Variants in PPAT observed in about 807,000 individuals in gnomAD.
PPAT encodes the protein amidophosphoribosyltransferase.
A neutral mutation model predicts 60.2 loss-of-function variants in PPAT; 20 were observed. The ratio of observed to expected loss-of-function variants is 0.33; its 90% CI spans 0.23 to 0.48. PPAT has a LOEUF of 0.48. Among genes scored for constraint, PPAT ranks in the 20% least tolerant of loss-of-function variants. The pLI is 0.99. For missense variants in PPAT, 349 were observed against 629.6 expected, an observed-to-expected ratio of 0.55 and a Z score of 4.77; for synonymous variants, 194 against 215.1, an observed-to-expected ratio of 0.90 and a Z score of 0.86.
chr4:56,406,525 T>C lies in PPAT; in HGVS notation c.372A>G (p.Glu124=). 1 of 1,612,592 alleles carries C rather than the reference T, an allele frequency of 6.2e-7. No individual in the cohort carries two copies. Among genetic ancestry groups the C allele is most frequent in the Admixed American group, 1.7e-5 (1 of 60,034 alleles). ...HGKIAVAHNG[E]LVNAARLRKK... ...TCCTTAATCGAGCAGCATTTACCAA[T>C]TCGCCATTATGTGCCACAGCTATCT... The change falls in exon 3 of 11, where the codon GAA becomes GAG. Residue 124 remains glutamate (E), a synonymous_variant. Coordinates refer to ENST00000264220, the MANE Select transcript of PPAT (RefSeq NM_002703.5).
intron 1 of PPAT, chr4:56,410,899 TAAAAAAAAAAAAAAAAAAA>T (rs35668849): frequency 1.5e-6 from 1 of 676,420 alleles, no homozygotes; most frequent in Non-Finnish European, 1.7e-6. Flanking sequence ...CCACTGAAGG[TAAAAAAAAAAAAAAAAAAA>T]AAAAAAAAAA....
intron 3 of PPAT, among the ~76,000 whole-genome samples, chr4:56,404,685 G>C (rs1359681602): frequency 1.3e-5 from 2 of 150,888 alleles, no homozygotes; most frequent in Non-Finnish European, 3.0e-5. Context: ...ATGATTGTCT[G>C]AATTTTTAAA....
intron 1 of PPAT, chr4:56,408,041 T>G: frequency 4.6e-6 from 1 of 216,166 alleles, no homozygotes. Flanking sequence ...GAGATATGAC[T>G]GTGATCCAAG....
In PPAT at chr4:56,432,110, C is replaced by T. The variant is rs1461956206; in HGVS notation, c.128+3240G>A. Among the ~76,000 whole-genome samples the T allele has an allele frequency of 1.3e-5, 2 of 152,134 alleles. 1 individual carries two copies. The highest frequency in any genetic ancestry group is 4.1e-4 in the South Asian group (2 of 4,828). On this transcript the variant is annotated intron_variant, in intron 1 of 10. Transcript: ENST00000264220. ...ATTTTTATATGAAATGGCTAATATA[C>T]CTTCCAGGTATTCTGTTAACCCCAG... is the stretch of plus-strand genomic sequence containing the variant.
chr4:56,415,737 C>T (rs956642792), intron 1 of PPAT, among the ~76,000 whole-genome samples: 1 of 152,102 alleles, frequency 6.6e-6, no homozygotes, highest in Non-Finnish European at 1.5e-5. Flanking sequence ...CAAATGCCTA[C>T]TCTGTTAGAG....
chr4:56,415,931 G>A (rs1240519025), intron 1 of PPAT, among the ~76,000 whole-genome samples: 8 of 152,058 alleles, frequency 5.3e-5, no homozygotes, highest in Non-Finnish European at 7.4e-5. Context: ...TTAGCCGGGC[G>A]TGGTGGCAGA....
At chr4:56,429,062 T>C (rs569970146) in intron 1 of PPAT, 1 of 400,652 alleles carries the variant, frequency 2.5e-6, no homozygotes, top group East Asian at 1.6e-4. Flanking sequence ...TTGTTGCTTT[T>C]TCCTGATAAC....
intron 1 of PPAT, 79 bp downstream of exon 1, chr4:56,435,271 C>T: frequency 6.3e-6 from 10 of 1,589,984 alleles, no homozygotes; most frequent in Admixed American, 3.4e-5. Flanking sequence ...CCCTCGGGCG[C>T]TCATGAGAAC....
intron 6 of PPAT, 42 bp from the exon 7 acceptor site, chr4:56,401,523 A>G (rs1338984391): frequency 6.7e-7 from 1 of 1,495,890 alleles, no homozygotes; most frequent in Admixed American, 2.0e-5. Flanking sequence ...TTAATAAACT[A>G]GTCCTTAAGG....
intron 1 of PPAT, among the ~76,000 whole-genome samples, chr4:56,418,146 T>A (rs575665046): frequency 2.0e-5 from 3 of 152,136 alleles, no homozygotes; most frequent in African/African-American, 7.2e-5. Context: ...TGAAGATTAT[T>A]TTTAATGCAA....
chr4:56,400,567 G>A lies in PPAT; in HGVS notation c.1014+217C>T, dbSNP rs921224785. On this transcript the variant is annotated intron_variant, in intron 8 of 10. Transcript: ENST00000264220. ...CCAATTTCTGAACGCTTTAGTGAAC[G>A]TTTTTTTCTTTTCAGTGAACCTTTT... 22 of 411,906 alleles carry A rather than the reference G, an allele frequency of 5.3e-5. No individual in the cohort carries two copies. The South Asian group carries it at 6.5e-4, about 12-fold the overall frequency. 25.5% of individuals were successfully genotyped at this position (411,906 alleles called of 1,614,324 possible). A position where few individuals can be genotyped will look rare whatever the true frequency, so the allele number is the denominator to read the frequency against.
chr4:56,431,569 G>C, intron 1 of PPAT: 3 of 952,446 alleles, frequency 3.1e-6, no homozygotes, highest in Non-Finnish European at 3.8e-6. Context: ...TAAATTTTTA[G>C]AAGTATGAAA....
intron 1 of PPAT, among the ~76,000 whole-genome samples, chr4:56,415,408 TC>T (rs1278628380): frequency 6.6e-6 from 1 of 152,226 alleles, no homozygotes; most frequent in Non-Finnish European, 1.5e-5. Context: ...ATGTACTTCA[TC>T]CTCCTCATTT....
intron 8 of PPAT, chr4:56,399,649 G>A (rs1229782932): frequency 9.5e-6 from 3 of 316,654 alleles, no homozygotes; most frequent in Admixed American, 4.6e-5. Flanking sequence ...ATAACAGTAA[G>A]CATATGAAGA....
intron 1 of PPAT, among the ~76,000 whole-genome samples, chr4:56,408,633 C>G (rs182359828): frequency 7.1e-6 from 1 of 140,874 alleles, no homozygotes; most frequent in Admixed American, 7.2e-5. Context: ...GGGCGCCTGT[C>G]GTCCCAGCTA....
chr4:56,422,052 C>A (rs1717064478), intron 1 of PPAT: 2 of 152,260 alleles, frequency 1.3e-5, no homozygotes, highest in African/African-American at 4.8e-5. Context: ...GGGTGGATCA[C>A]TTGAGGCAGG....
chr4:56,400,645 A>G, intron 8 of PPAT, 139 bp downstream of exon 8: 9 of 940,570 alleles, frequency 9.6e-6, no homozygotes, highest in Non-Finnish European at 1.3e-5. Flanking sequence ...AAAATAAAAA[A>G]CGCTTGTAAA....
Position 56,431,757 on chromosome 4 carries a change from C to T in PPAT, c.128+3593G>A, listed in dbSNP as rs578094179. ...AAATATGTCCAGGCCATTCTAGTCT[C>T]CATAAAATGTGACTGTGTTTTAAAG... On this transcript the variant is annotated intron_variant, in intron 1 of 10. Coordinates refer to ENST00000264220, the MANE Select transcript of PPAT (RefSeq NM_002703.5). 9.1e-4 allele frequency among the ~76,000 whole-genome samples: 139 copies of T among 152,276 alleles called. 1 individual carries two copies. The highest frequency in any genetic ancestry group is 3.3e-3 in the African/African-American group (137 of 41,564).
chr4:56,399,567 G>A (rs1716062476), intron 8 of PPAT, 167 bp from the exon 9 acceptor site: 7 of 554,742 alleles, frequency 1.3e-5, no homozygotes, highest in Non-Finnish European at 2.2e-5. Flanking sequence ...AATATACTTG[G>A]TGGAAAAACC....
Sources: gnomAD v4.1 joint callset for allele counts (sites outside exome capture counted in the v4.1 genomes callset) on GRCh38, gnomAD v4.1.1 for gene constraint, MANE v1.5 for transcripts, NCBI Gene and HGNC (gene_info 2026-07-23, HGNC 2026-07-21) for gene names.